ATP10D: variants seen among roughly 807,000 people sequenced by gnomAD.
ATP10D encodes the protein ATPase phospholipid transporting 10D (putative), also known as phospholipid-transporting ATPase VD.
In ATP10D, 89 loss-of-function variants were observed where a neutral mutation model predicts 144.8. That is an observed-to-expected ratio of 0.61 (90% CI 0.52 to 0.73). The LOEUF (loss-of-function observed/expected upper bound fraction) is 0.73. ATP10D is among the 30% of genes least tolerant of loss of function. ATP10D has a pLI of 0.00. For synonymous variants in ATP10D, 571 were observed against 615.1 expected (o/e 0.93, Z 1.06); for missense variants, 1,603 against 1,714.8 (o/e 0.93, Z 1.15).
rs1560422950 is a variant in ATP10D, at chr4:47,522,992, TAAC to T, written c.486-19_486-17del. 8.1e-6 allele frequency: 12 copies of T among 1,486,268 alleles called. No individual in the cohort carries two copies. The highest frequency in any genetic ancestry group is 5.8e-5 in the Admixed American group (3 of 51,552). 92.1% of individuals were successfully genotyped at this position (1,486,268 alleles called of 1,614,324 possible). A position where few individuals can be genotyped will look rare whatever the true frequency, so the allele number is the denominator to read the frequency against. ...TTCACTTGATATTCTTTTTTTTTTT[TAAC>T]TTTTTTTTAATTACAGGAAAGAGAA... On this transcript the variant is annotated splice_polypyrimidine_tract_variant and intron_variant, in intron 3 of 22. Coordinates refer to ENST00000273859, the MANE Select transcript of ATP10D (RefSeq NM_020453.4).
intron 21 of ATP10D, among the ~76,000 whole-genome samples, chr4:47,582,285 G>A (rs760818759): frequency 2.0e-5 from 3 of 152,156 alleles, no homozygotes; most frequent in Non-Finnish European, 4.4e-5. Context: ...CCCTTTGGTA[G>A]TATCAGTGGT....
rs372015189 is a variant in ATP10D at position 47,558,077 on chromosome 4, T to C, written c.2238T>C (p.Ser746=). ...AARAYQCTLR[S]RTPEQVMVDF... ...GGGCTTACCAATGCACTTTACGGTC[T>C]CGGACACCAGAGCAGGTCATGGTGG... Residue 746 remains serine (S), a synonymous_variant, in exon 12 of 23, where the codon TCT becomes TCC. Coordinates refer to ENST00000273859, the MANE Select transcript of ATP10D (RefSeq NM_020453.4). 10 of 1,614,214 alleles carry C rather than the reference T, an allele frequency of 6.2e-6. No individual in the cohort carries two copies. Among genetic ancestry groups the C allele is most frequent in the African/African-American group, 1.3e-5 (1 of 75,050 alleles).
Position 47,587,095 on chromosome 4 carries a change from G to T in ATP10D, c.3830G>T (p.Cys1277Phe), listed in dbSNP as rs764644710. The change falls in exon 22 of 23, where the codon TGT becomes TTT. Residue 1277 changes from cysteine to phenylalanine, a missense_variant. By Grantham distance (205) the Cys-to-Phe change is radical (BLOSUM62 -2). Coordinates refer to ENST00000273859, the MANE Select transcript of ATP10D (RefSeq NM_020453.4). ...TTTGCCATAGTTTTTGGAGCCATGT[G>T]TGTAACTTGCAACCCACCATCCAAC... Reference protein sequence around the residue: ...FLFAIVFGAMCVTCNPPSNPY... With the variant: ...FLFAIVFGAMFVTCNPPSNPY... 1.9e-6 allele frequency: 3 copies of T among 1,614,088 alleles called. No homozygotes were observed. The highest frequency in any genetic ancestry group is 3.3e-5 in the Admixed American group (2 of 60,018).
chr4:47,485,838 C>CACAT (rs1193566218), intron 1 of ATP10D, among the ~76,000 whole-genome samples: 3 of 12,014 alleles, frequency 2.5e-4, no homozygotes, highest in African/African-American at 7.8e-4. Flanking sequence ...CGCATTCTCA[C>CACAT]ACACCTTTGT....
At chr4:47,578,814 C>T (rs1331810857) in intron 19 of ATP10D, among the ~76,000 whole-genome samples, 1 of 152,002 alleles carries the variant, frequency 6.6e-6, no homozygotes, top group Non-Finnish European at 1.5e-5. Flanking sequence ...AACAATGAAT[C>T]TTCATTGTTT....
Position 47,519,450 on chromosome 4 carries a change from C to T in ATP10D, c.486-3562C>T, listed in dbSNP as rs995083224. 7.2e-5 allele frequency among the ~76,000 whole-genome samples: 11 copies of T among 152,158 alleles called. 1 individual carries two copies. Among genetic ancestry groups the T allele is most frequent in the Admixed American group, 6.5e-4 (10 of 15,280 alleles). ...AACCACCAAGGAGATGCAACAAGTT[C>T]TAGTTGTGCATTTAGGCTCTGGGGA... On this transcript the variant is annotated intron_variant, in intron 3 of 22. Coordinates refer to ENST00000273859, the MANE Select transcript of ATP10D (RefSeq NM_020453.4).
Position 47,554,742 on chromosome 4 carries a change from C to G in ATP10D, c.1652C>G (p.Pro551Arg). Residue 551 changes from proline (P) to arginine (R), a missense_variant, in exon 11 of 23, where the codon CCA (proline) becomes CGA (arginine). Physicochemically the swap from Pro to Arg is moderately radical, Grantham distance 103 (BLOSUM62 -2). Coordinates refer to ENST00000273859, the MANE Select transcript of ATP10D (RefSeq NM_020453.4). ...FSSPIETDVV[P>R]DTRLLDKFSQ... ...GATCTTCAGGAAACAGACGTGGTAC[C>G]AGACACCAGGCTTTTAGACAAATTT... 1 of 1,611,958 alleles carries G rather than the reference C, an allele frequency of 6.2e-7. No homozygotes were observed. The highest frequency in any genetic ancestry group is 8.5e-7 in the Non-Finnish European group (1 of 1,178,874).
chr4:47,545,034 T>C (rs12507737), intron 9 of ATP10D, among the ~76,000 whole-genome samples: 35,749 of 152,094 alleles, frequency 0.24, 4,204 homozygotes, highest in Admixed American at 0.3. Flanking sequence ...TGGTATAATA[T>C]AAAATGATTG....
chr4:47,514,141 G>T (rs1164393836), intron 2 of ATP10D, among the ~76,000 whole-genome samples: 1 of 152,212 alleles, frequency 6.6e-6, no homozygotes, highest in African/African-American at 2.4e-5. Context: ...CAAGTAAAGA[G>T]ATTCTCCATA....
rs1209884622 is a variant in ATP10D at position 47,572,944 on chromosome 4, T to C, written c.3313T>C (p.Trp1105Arg). The change falls in exon 18 of 23, where the codon TGG (tryptophan) becomes CGG (arginine). Residue 1105 changes from tryptophan to arginine, a missense_variant. Transcript: ENST00000273859. ...LSKLLLVHGH[W>R]CYTRLSNMIL... is the part of the protein sequence containing the mutation. ...CAAGCTCCTTCTTGTCCATGGACAC[T>C]GGTGTTATACACGGCTTTCCAACAT... is the stretch of plus-strand genomic sequence containing the variant. The C allele has an allele frequency of 6.2e-7, 1 of 1,613,926 alleles. No homozygotes were observed. The highest frequency in any genetic ancestry group is 1.3e-5 in the African/African-American group (1 of 74,912).
chr4:47,556,238 T>C lies in ATP10D; in HGVS notation c.1824+1324T>C, dbSNP rs572128836. ...ATTTGCAGCACAACCCAATTCAATT[T>C]AATTTTCCATCAGATCATTTTCTTT... On this transcript the variant is annotated intron_variant, in intron 11 of 22. Transcript: ENST00000273859. Among the ~76,000 whole-genome samples the C allele has an allele frequency of 3.9e-5, 6 of 152,370 alleles. No individual in the cohort carries two copies. In the South Asian group the frequency reaches 1.2e-3, roughly 32 times the overall value.
intron 16 of ATP10D, among the ~76,000 whole-genome samples, chr4:47,569,907 G>A (rs1719862760): frequency 6.6e-6 from 1 of 152,158 alleles, no homozygotes; most frequent in South Asian, 2.1e-4. Context: ...CGTGTTTGGT[G>A]TGTCGGAGGA....
intron 1 of ATP10D, among the ~76,000 whole-genome samples, chr4:47,488,506 TTTC>T (rs1714888119): frequency 6.6e-6 from 1 of 151,748 alleles, no homozygotes; most frequent in East Asian, 1.9e-4. Flanking sequence ...ACAGCTTGAT[TTTC>T]TTTTTTATAT....
intron 20 of ATP10D, among the ~76,000 whole-genome samples, chr4:47,581,097 GC>G (rs1720491990): frequency 6.6e-6 from 1 of 152,060 alleles, no homozygotes. Flanking sequence ...GAATATGAAA[GC>G]TTTTATTAGT....
In ATP10D at chr4:47,535,593, T is replaced by C; in HGVS notation, c.861T>C (p.Val287=). ...RGCTIRNTEA[V]VGIVVYAGHE... ...GCACCATTAGAAACACAGAGGCTGT[T>C]GTGGGCATTGTGGTTTATGCAGGTC... The change falls in exon 6 of 23, where the codon GTT becomes GTC. Residue 287 remains valine, a synonymous_variant. Coordinates refer to ENST00000273859, the MANE Select transcript of ATP10D (RefSeq NM_020453.4). 6.2e-7 allele frequency: 1 copy of C among 1,612,514 alleles called. No homozygotes were observed. Among genetic ancestry groups the C allele is most frequent in the East Asian group, 2.2e-5 (1 of 44,840 alleles).
chr4:47,505,763 GA>G lies in ATP10D; in HGVS notation c.-37-6731del, dbSNP rs577753173. 2.4e-3 allele frequency among the ~76,000 whole-genome samples: 352 copies of G among 145,920 alleles called. 1 individual carries two copies. Among genetic ancestry groups the G allele is most frequent in the Non-Finnish European group, 2.8e-3 (185 of 65,978 alleles). On this transcript the variant is annotated intron_variant, in intron 1 of 22. Coordinates refer to ENST00000273859, the MANE Select transcript of ATP10D (RefSeq NM_020453.4). ...CGTCTCCAAAAGAAAAAGAAAAAAA[GA>G]AAAAAAAAAGAAACCTAGGGGGTGA...
intron 1 of ATP10D, among the ~76,000 whole-genome samples, chr4:47,498,327 C>CAT (rs1715506937): frequency 6.6e-6 from 1 of 152,176 alleles, no homozygotes; most frequent in Non-Finnish European, 1.5e-5. Context: ...TGTATTGCTG[C>CAT]ATATTTAACA....
At position 47,516,618 on chromosome 4, in the gene ATP10D, G is replaced by T. The variant is rs554474776; in HGVS notation, c.485+948G>T. Among the ~76,000 whole-genome samples, 7 of 152,254 alleles carry T rather than the reference G, an allele frequency of 4.6e-5. No homozygotes were observed. In the South Asian group the frequency reaches 1.2e-3, roughly 27 times the overall value. On this transcript the variant is annotated intron_variant, in intron 3 of 22. Transcript: ENST00000273859. ...ATTTAATCTGAAAGCTGCAGAATTC[G>T]TATTTTGTTCATTATTAGAATTCTT... is the stretch of plus-strand genomic sequence containing the variant.
intron 1 of ATP10D, among the ~76,000 whole-genome samples, chr4:47,498,350 T>A (rs1715508510): frequency 6.6e-6 from 1 of 152,238 alleles, no homozygotes; most frequent in South Asian, 2.1e-4. Flanking sequence ...ATCTCTGGCT[T>A]CTTTCCACAA....
Sources: allele counts gnomAD v4.1 joint callset (sites outside exome capture counted in the v4.1 genomes callset), GRCh38; gene constraint gnomAD v4.1.1; transcripts MANE v1.5; gene names NCBI Gene and HGNC (gene_info 2026-07-23, HGNC 2026-07-21).